The following EXOC4 variants were observed in gnomAD, a reference collection of about 807,000 sequenced individuals.
EXOC4 encodes the protein exocyst complex component 4.
EXOC4 carries 71 observed loss-of-function variants against 107.2 expected under a neutral mutation model. That is an observed-to-expected ratio of 0.66 (90% confidence interval 0.55 to 0.81). EXOC4 has a LOEUF of 0.81. EXOC4 is among the 30% of genes least tolerant of loss of function. The pLI, the probability that EXOC4 is intolerant of heterozygous loss-of-function variation, is 0.00. For missense variants in EXOC4, 1,108 were observed against 1,189.6 expected, an observed-to-expected ratio of 0.93 and a Z score of 1.01; for synonymous variants, 456 against 441.2, an observed-to-expected ratio of 1.03 and a Z score of -0.42.
intron 12 of EXOC4, among the ~76,000 whole-genome samples, chr7:133,899,799 G>A (rs1004652256): frequency 2.1e-5 from 3 of 141,006 alleles, no homozygotes; most frequent in African/African-American, 8.1e-5. Context: ...GAGCTGGAGT[G>A]CAGTGGCGCA....
intron 1 of EXOC4, among the ~76,000 whole-genome samples, chr7:133,270,617 G>A (rs1793845115): frequency 6.6e-6 from 1 of 152,198 alleles, no homozygotes. Context: ...TCAATGGGTA[G>A]AAATTAGAAA....
At chr7:133,345,954 GGGT>G (rs1331870474) in intron 5 of EXOC4, among the ~76,000 whole-genome samples, 1 of 152,098 alleles carries the variant, frequency 6.6e-6, no homozygotes, top group Admixed American at 6.5e-5. Context: ...TACACTCCAG[GGGT>G]AGTTAGTTAA....
At chr7:134,011,250 G>T (rs1329132351) in intron 17 of EXOC4, among the ~76,000 whole-genome samples, 1 of 151,658 alleles carries the variant, frequency 6.6e-6, no homozygotes, top group African/African-American at 2.4e-5. Context: ...GATGGTGGCA[G>T]CATAACAAGA....
At chr7:133,739,090 C>G (rs1020644189) in intron 10 of EXOC4, among the ~76,000 whole-genome samples, 1 of 152,020 alleles carries the variant, frequency 6.6e-6, no homozygotes, top group African/African-American at 2.4e-5. Flanking sequence ...ACTTCTGGTG[C>G]CTTTTATGAA....
At chr7:133,367,079 T>C (rs1397725316) in intron 6 of EXOC4, among the ~76,000 whole-genome samples, 1 of 152,042 alleles carries the variant, frequency 6.6e-6, no homozygotes, top group East Asian at 1.9e-4. Context: ...GTAGAGAACA[T>C]GAAGAAGTAG....
chr7:133,867,154 T>A (rs1305949330), intron 11 of EXOC4, among the ~76,000 whole-genome samples: 1 of 152,230 alleles, frequency 6.6e-6, no homozygotes, highest in Middle Eastern at 3.2e-3. Context: ...GCAGCCAGAT[T>A]GTCAGGGTTC....
intron 10 of EXOC4, among the ~76,000 whole-genome samples, chr7:133,647,526 G>A (rs1050830319): frequency 3.9e-5 from 6 of 152,082 alleles, no homozygotes; most frequent in African/African-American, 1.2e-4. Flanking sequence ...CAAAGACCAG[G>A]CTATTGTAAA....
intron 14 of EXOC4, among the ~76,000 whole-genome samples, chr7:133,995,402 C>T (rs1055333523): frequency 2.0e-5 from 3 of 152,190 alleles, no homozygotes; most frequent in Admixed American, 6.5e-5. Flanking sequence ...CTCCATGCTA[C>T]AGTCACTATC....
At chr7:133,722,988 A>G (rs2151108378) in intron 10 of EXOC4, among the ~76,000 whole-genome samples, 1 of 152,362 alleles carries the variant, frequency 6.6e-6, no homozygotes, top group East Asian at 1.9e-4. Flanking sequence ...TATGCCTTAG[A>G]GAAAAATTCC....
chr7:133,975,228 A>G (rs1008476303), intron 14 of EXOC4, among the ~76,000 whole-genome samples: 4 of 152,110 alleles, frequency 2.6e-5, no homozygotes, highest in Non-Finnish European at 4.4e-5. Context: ...TCACTCAGAT[A>G]GAGGGTCTGG....
chr7:133,331,089 A>G (rs531894122), intron 5 of EXOC4, among the ~76,000 whole-genome samples: 1 of 152,312 alleles, frequency 6.6e-6, no homozygotes, highest in East Asian at 1.9e-4. Flanking sequence ...AAGTGCGATC[A>G]GATATAAAAC....
chr7:133,920,589 C>T (rs1227003335), intron 13 of EXOC4, among the ~76,000 whole-genome samples: 1 of 152,200 alleles, frequency 6.6e-6, no homozygotes, highest in African/African-American at 2.4e-5. Flanking sequence ...ATTCCCAATT[C>T]TTCCTCCCTA....
intron 9 of EXOC4, among the ~76,000 whole-genome samples, chr7:133,572,282 G>C (rs755083586): frequency 2.0e-5 from 3 of 152,156 alleles, no homozygotes. Context: ...GAATAACTCA[G>C]ATTCTTGTCT....
intron 9 of EXOC4, among the ~76,000 whole-genome samples, chr7:133,619,361 G>A (rs565803767): frequency 6.6e-6 from 1 of 152,158 alleles, no homozygotes; most frequent in Non-Finnish European, 1.5e-5. Flanking sequence ...ACCTCTGTGC[G>A]TGAAGACAAT....
At chr7:133,505,619 A>C (rs896163876) in intron 9 of EXOC4, among the ~76,000 whole-genome samples, 6 of 152,122 alleles carry the variant, frequency 3.9e-5, no homozygotes, top group Non-Finnish European at 7.4e-5. Flanking sequence ...TAATTGCAAG[A>C]CGTCCTAAGT....
chr7:133,277,719 A>T (rs559798828), intron 2 of EXOC4, among the ~76,000 whole-genome samples: 85 of 152,226 alleles, frequency 5.6e-4, no homozygotes, highest in Admixed American at 1.1e-3. Context: ...ATAAAGGGTC[A>T]GAGCTCTTTT....
At chr7:133,874,445 AG>A (rs1798809178) in intron 11 of EXOC4, among the ~76,000 whole-genome samples, 1 of 152,184 alleles carries the variant, frequency 6.6e-6, no homozygotes, top group African/African-American at 2.4e-5. Context: ...GGCATATCCA[AG>A]TTGAATCTCC....
chr7:133,606,514 ATTAT>A (rs969714956), intron 9 of EXOC4, among the ~76,000 whole-genome samples: 5 of 142,878 alleles, frequency 3.5e-5, no homozygotes, highest in Non-Finnish European at 7.6e-5. Flanking sequence ...TATTATTATT[ATTAT>A]TTTTTTTTTT....
chr7:133,628,740 T>C (rs1257942924), intron 9 of EXOC4, among the ~76,000 whole-genome samples: 1 of 152,204 alleles, frequency 6.6e-6, no homozygotes, highest in Non-Finnish European at 1.5e-5. Flanking sequence ...GGGTTACTCC[T>C]TGCACCATGA....
Sources: gnomAD v4.1 joint callset for allele counts (sites outside exome capture counted in the v4.1 genomes callset) on GRCh38, gnomAD v4.1.1 for gene constraint, MANE v1.5 for transcripts, NCBI Gene and HGNC (gene_info 2026-07-23, HGNC 2026-07-21) for gene names.